MEP1B: variants seen among roughly 807,000 people sequenced by gnomAD.
MEP1B encodes meprin A subunit beta.
Under a neutral mutation model 84.6 loss-of-function variants are expected in MEP1B, and 80 were observed. That is an observed-to-expected ratio of 0.95 (90% CI 0.79 to 1.14). MEP1B has a LOEUF of 1.14. Among genes scored for constraint, MEP1B ranks in the 50% most tolerant of loss-of-function variants. The pLI, the probability that MEP1B is intolerant of heterozygous loss-of-function variation, is 0.00. For missense variants in MEP1B, 766 were observed against 855.1 expected, an observed-to-expected ratio of 0.90 and a Z score of 1.30; for synonymous variants, 273 against 288.1, an observed-to-expected ratio of 0.95 and a Z score of 0.53.
At chr18:32,192,584 A>G in intron 2 of MEP1B, 62 bp from the exon 3 acceptor site, 1 of 1,490,970 alleles carries the variant, frequency 6.7e-7, no homozygotes, top group Non-Finnish European at 9.3e-7. Context: ...TATAAATGAT[A>G]AAGGTTTTCT....
rs146716628 is a variant in MEP1B at position 32,213,512 on chromosome 18, G to C, written c.1532G>C (p.Arg511Pro). ...LLDQNPDIRQ[R>P]MSNQRSITTD... ...GATCAAAATCCTGACATTCGACAGC[G>C]TATGTCCAATCAGCGGAGTATAACT... The change falls in exon 11 of 15, where the codon CGT becomes CCT. Residue 511 changes from arginine to proline, a missense_variant. By Grantham distance (103) the Arg-to-Pro change is moderately radical. Coordinates refer to ENST00000269202, the MANE Select transcript of MEP1B (RefSeq NM_005925.3). 6.2e-7 allele frequency: 1 copy of C among 1,613,868 alleles called. No homozygotes were observed. The highest frequency in any genetic ancestry group is 8.5e-7 in the Non-Finnish European group (1 of 1,179,836).
chr18:32,206,387 C>G (rs2040964767), intron 7 of MEP1B, among the ~76,000 whole-genome samples: 1 of 151,840 alleles, frequency 6.6e-6, no homozygotes, highest in Non-Finnish European at 1.5e-5. Flanking sequence ...ACGTCCTCAG[C>G]CTGCCATCGT....
chr18:32,211,598 G>T (rs1346959129), intron 10 of MEP1B, among the ~76,000 whole-genome samples: 1 of 152,160 alleles, frequency 6.6e-6, no homozygotes, highest in Non-Finnish European at 1.5e-5. Context: ...TCCCAGTGAA[G>T]AACTGGGATA....
chr18:32,220,256 G>C lies in MEP1B; in HGVS notation c.*11G>C. On this transcript the variant is annotated 3_prime_UTR_variant, in exon 15 of 15. Coordinates refer to ENST00000269202, the MANE Select transcript of MEP1B (RefSeq NM_005925.3). ...CAGCATGCTTTTTGAAGATTAACTC[G>C]ACAATATGGCCAGCTAATGAAATTA... is the stretch of plus-strand genomic sequence containing the variant. 1 of 1,607,794 alleles carries C rather than the reference G, an allele frequency of 6.2e-7. No individual in the cohort carries two copies. Among genetic ancestry groups the C allele is most frequent in the Non-Finnish European group, 8.5e-7 (1 of 1,176,466 alleles).
At chr18:32,205,169 CTTCTT>C (rs2040951736) in intron 7 of MEP1B, among the ~76,000 whole-genome samples, 1 of 152,116 alleles carries the variant, frequency 6.6e-6, no homozygotes, top group Non-Finnish European at 1.5e-5. Context: ...TGATCATGGT[CTTCTT>C]TTTTCTTTTT....
intron 13 of MEP1B, 123 bp downstream of exon 13, chr18:32,217,240 C>T: frequency 8.6e-7 from 1 of 1,164,436 alleles, no homozygotes; most frequent in Non-Finnish European, 1.2e-6. Context: ...CACAGCCATT[C>T]ATAGAATTTT....
intron 4 of MEP1B, among the ~76,000 whole-genome samples, chr18:32,194,240 A>G (rs540115242): frequency 6.6e-6 from 1 of 152,090 alleles, no homozygotes; most frequent in Non-Finnish European, 1.5e-5. Context: ...AGGCCCCATC[A>G]TCTCTTGCCT....
rs1294714836 is a variant in MEP1B, at chr18:32,215,330, T to C, written c.1759+69T>C. 3.8e-6 allele frequency: 4 copies of C among 1,047,132 alleles called. No homozygotes were observed. The Admixed American group carries it at 9.0e-5, about 24-fold the overall frequency. The allele number at this position is 1,047,132 out of a possible 1,614,324, so 64.9% of individuals were successfully genotyped here. On this transcript the variant is annotated intron_variant, in intron 12 of 14. Transcript: ENST00000269202. ...TTGTGGCCACTGATTATTTTCTGTTTTTCTTTCTGCATTCCACTTTTAGAT... is the reference window on the plus strand; with the variant it reads ...TTGTGGCCACTGATTATTTTCTGTTCTTCTTTCTGCATTCCACTTTTAGAT...
chr18:32,190,587 G>C (rs1017738485), intron 1 of MEP1B, among the ~76,000 whole-genome samples: 1 of 152,032 alleles, frequency 6.6e-6, no homozygotes, highest in Non-Finnish European at 1.5e-5. Context: ...TTTTCTATCA[G>C]GTAGTTTGTA....
intron 5 of MEP1B, among the ~76,000 whole-genome samples, chr18:32,200,505 C>A (rs1004317218): frequency 6.6e-6 from 1 of 151,600 alleles, no homozygotes; most frequent in African/African-American, 2.4e-5. Flanking sequence ...AGTATCCTTA[C>A]GTTTCAGAAA....
chr18:32,206,115 G>A (rs943969084), intron 7 of MEP1B, among the ~76,000 whole-genome samples: 2 of 151,986 alleles, frequency 1.3e-5, no homozygotes, highest in South Asian at 2.1e-4. Context: ...CCGAGTAACT[G>A]GGATTATAGG....
Position 32,196,890 on chromosome 18 carries a change from AGG to A in MEP1B, c.250+1406_250+1407del. 4.4e-6 allele frequency: 2 copies of A among 459,060 alleles called. No homozygotes were observed. Among genetic ancestry groups the A allele is most frequent in the South Asian group, 2.1e-5 (1 of 47,230 alleles). The allele number at this position is 459,060 out of a possible 1,614,324, so 28.4% of individuals were successfully genotyped here. A position where few individuals can be genotyped will look rare whatever the true frequency, so the allele number is the denominator to read the frequency against. Reference sequence around the variant, plus strand: ...GTAGTGGAGGCGGGCAAGGAGGCGCAGGCAGGCTCAGATCTCCACGTGCACTG... The same window carrying A: ...GTAGTGGAGGCGGGCAAGGAGGCGCACAGGCTCAGATCTCCACGTGCACTG... On this transcript the variant is annotated intron_variant, in intron 5 of 14. Coordinates refer to ENST00000269202, the MANE Select transcript of MEP1B (RefSeq NM_005925.3). The surrounding 1 kb of genome is among the most constrained non-coding windows in gnomAD (Gnocchi z 4.4).
chr18:32,191,806 T>C lies in MEP1B; in HGVS notation c.64-16T>C. 1.3e-6 allele frequency: 2 copies of C among 1,508,924 alleles called. No homozygotes were observed. Among genetic ancestry groups the C allele is most frequent in the Non-Finnish European group, 1.8e-6 (2 of 1,105,870 alleles). 93.5% of individuals were successfully genotyped at this position (1,508,924 alleles called of 1,614,324 possible). ...GCATTATAATAATATGTTTTGTTTATGTGTTTATTTCCCAGGCAACTCCAG... is the reference window on the plus strand; with the variant it reads ...GCATTATAATAATATGTTTTGTTTACGTGTTTATTTCCCAGGCAACTCCAG... On this transcript the variant is annotated splice_polypyrimidine_tract_variant and intron_variant, in intron 1 of 14. Transcript: ENST00000269202.
Position 32,196,798 on chromosome 18 carries a change from T to A in MEP1B, c.250+1313T>A, listed in dbSNP as rs2040860414. On this transcript the variant is annotated intron_variant, in intron 5 of 14. Coordinates refer to ENST00000269202, the MANE Select transcript of MEP1B (RefSeq NM_005925.3). The surrounding 1 kb of genome is among the most constrained non-coding windows in gnomAD (Gnocchi z 4.4). ...ATGGTGTTGGGGTGCTCGATGCCCATCACCCGCACGCTCATCAGCACTGCC... is the reference window on the plus strand; with the variant it reads ...ATGGTGTTGGGGTGCTCGATGCCCAACACCCGCACGCTCATCAGCACTGCC... The A allele has an allele frequency of 3.1e-6, 2 of 650,726 alleles. No individual in the cohort carries two copies. Among genetic ancestry groups the A allele is most frequent in the East Asian group, 5.7e-5 (2 of 35,294 alleles). The allele number at this position is 650,726 out of a possible 1,614,324, so 40.3% of individuals were successfully genotyped here.
intron 12 of MEP1B, among the ~76,000 whole-genome samples, chr18:32,215,712 T>C (rs1331389402): frequency 2.0e-5 from 3 of 152,028 alleles, no homozygotes; most frequent in Non-Finnish European, 4.4e-5. Context: ...TAGTCCCAGC[T>C]ACTCGGGAGG....
Position 32,213,056 on chromosome 18 carries a change from T to C in MEP1B, c.1136-60T>C, listed in dbSNP as rs1002522293. ...TTGTCTAAGAAGGCTAGAAATCTAA[T>C]GTTGACATGTACATGATTTGAACTT... On this transcript the variant is annotated intron_variant, in intron 10 of 14. Coordinates refer to ENST00000269202, the MANE Select transcript of MEP1B (RefSeq NM_005925.3). 2.7e-6 allele frequency: 4 copies of C among 1,460,536 alleles called. No individual in the cohort carries two copies. The African/African-American group carries it at 5.6e-5, about 21-fold the overall frequency. The allele number at this position is 1,460,536 out of a possible 1,614,324, so 90.5% of individuals were successfully genotyped here. A position where few individuals can be genotyped will look rare whatever the true frequency, so the allele number is the denominator to read the frequency against.
chr18:32,204,215 G>T lies in MEP1B; in HGVS notation c.402G>T (p.Gly134=). ...CWSSVGNRRV[G]KQELSIGANC... is the part of the protein sequence containing the mutation. ...CTTCAGTAGGAAATAGGCGGGTTGGGAAGCAAGAACTTTCCATCGGGGCAA... is the reference window on the plus strand; with the variant it reads ...CTTCAGTAGGAAATAGGCGGGTTGGTAAGCAAGAACTTTCCATCGGGGCAA... Residue 134 remains glycine (G), a synonymous_variant, in exon 7 of 15, where the codon GGG becomes GGT. Coordinates refer to ENST00000269202, the MANE Select transcript of MEP1B (RefSeq NM_005925.3). The T allele has an allele frequency of 6.2e-7, 1 of 1,606,706 alleles. No homozygotes were observed. Among genetic ancestry groups the T allele is most frequent in the Non-Finnish European group, 8.5e-7 (1 of 1,176,836 alleles).
chr18:32,215,751 G>C (rs1332794484), intron 12 of MEP1B, among the ~76,000 whole-genome samples: 1 of 152,110 alleles, frequency 6.6e-6, no homozygotes, highest in Non-Finnish European at 1.5e-5. Context: ...GTGAACCCGG[G>C]AGGCGGAGCT....
At chr18:32,218,077 A>C (rs2041112708) in intron 14 of MEP1B, 112 bp downstream of exon 14, 1 of 871,884 alleles carries the variant, frequency 1.1e-6, no homozygotes, top group Non-Finnish European at 1.8e-6. Flanking sequence ...TCTGTTTCCT[A>C]TGCTGGGACA....
Sources: gnomAD v4.1 joint callset for allele counts (sites outside exome capture counted in the v4.1 genomes callset) on GRCh38, gnomAD v4.1.1 for gene constraint, Gnocchi (gnomAD v3.1) non-coding constraint, MANE v1.5 for transcripts, NCBI Gene and HGNC (gene_info 2026-07-23, HGNC 2026-07-21) for gene names.